The following ACKR2 variants were observed in gnomAD, a reference collection of about 807,000 sequenced individuals.
ACKR2 encodes the protein atypical chemokine receptor 2.
For synonymous variants in ACKR2, 207 were observed against 192.2 expected (o/e 1.08, Z -0.64); for missense variants, 457 against 477.3 (o/e 0.96, Z 0.40).
chr3:42,849,463 C>T (rs1325760262), intron 2 of ACKR2, among the ~76,000 whole-genome samples: 4 of 151,900 alleles, frequency 2.6e-5, no homozygotes, highest in Non-Finnish European at 4.4e-5. Context: ...GAGCTCACAC[C>T]ATTGCACTCC....
intron 2 of ACKR2, among the ~76,000 whole-genome samples, chr3:42,840,041 G>A (rs1294078311): frequency 2.0e-5 from 3 of 151,902 alleles, no homozygotes; most frequent in African/African-American, 7.3e-5. Flanking sequence ...GGTGGATCAC[G>A]AGGTCAAGAG....
chr3:42,829,572 G>A (rs72867327), intron 2 of ACKR2, among the ~76,000 whole-genome samples: 5,071 of 152,152 alleles, frequency 0.033, 199 homozygotes, highest in African/African-American at 0.096. Flanking sequence ...TAGCTCCCTC[G>A]GGTCACTCAT....
intron 1 of ACKR2, among the ~76,000 whole-genome samples, chr3:42,813,391 T>C (rs576425730): frequency 2.0e-5 from 3 of 152,114 alleles, no homozygotes; most frequent in East Asian, 1.9e-4. Context: ...AGAAAAGAGG[T>C]TTAATTGACT....
At chr3:42,826,575 A>G (rs926839254) in intron 2 of ACKR2, among the ~76,000 whole-genome samples, 1 of 151,880 alleles carries the variant, frequency 6.6e-6, no homozygotes, top group Non-Finnish European at 1.5e-5. Context: ...TTTTTTCTAT[A>G]GTGATTCTCT....
intron 2 of ACKR2, among the ~76,000 whole-genome samples, chr3:42,859,151 A>G (rs919102754): frequency 9.9e-5 from 15 of 152,178 alleles, no homozygotes; most frequent in Admixed American, 2.0e-4. Context: ...ACAGGCCAAC[A>G]TTCAAATTCA....
chr3:42,837,637 G>A (rs1179158926), intron 2 of ACKR2, among the ~76,000 whole-genome samples: 1 of 152,066 alleles, frequency 6.6e-6, no homozygotes, highest in Non-Finnish European at 1.5e-5. Context: ...AGATTGGATG[G>A]TGCCCGCCCA....
chr3:42,827,219 A>G (rs889040166), intron 2 of ACKR2, among the ~76,000 whole-genome samples: 1 of 152,164 alleles, frequency 6.6e-6, no homozygotes, highest in Non-Finnish European at 1.5e-5. Context: ...TGTCTTACTT[A>G]TATCAGTTTT....
intron 2 of ACKR2, chr3:42,851,285 T>G (rs1300336611): frequency 5.6e-6 from 5 of 897,104 alleles, no homozygotes; most frequent in Admixed American, 1.2e-4. Flanking sequence ...AAGGGATTTT[T>G]TTTATTCCAG....
Position 42,864,954 on chromosome 3 carries a change from C to T in ACKR2, c.452C>T (p.Pro151Leu). Residue 151 changes from proline (P) to leucine (L), a missense_variant, in exon 3 of 3, where the codon CCC becomes CTC. Transcript: ENST00000422265. ...TACCTGGAGATCGTTCATGCTCAGC[C>T]CTACCACAGGCTGAGGACCCGGGCC... ...DKYLEIVHAQ[P>L]YHRLRTRAKS... is the part of the protein sequence containing the mutation. The T allele has an allele frequency of 1.2e-6, 2 of 1,614,148 alleles. No individual in the cohort carries two copies. The highest frequency in any genetic ancestry group is 2.2e-5 in the South Asian group (2 of 91,084).
At chr3:42,858,994 C>T (rs765863586) in intron 2 of ACKR2, among the ~76,000 whole-genome samples, 3 of 151,796 alleles carry the variant, frequency 2.0e-5, no homozygotes, top group Admixed American at 1.3e-4. Flanking sequence ...TATAAAGGAA[C>T]GAACAAAGCC....
intron 1 of ACKR2, among the ~76,000 whole-genome samples, chr3:42,817,226 T>C (rs2125602758): frequency 6.6e-6 from 1 of 152,338 alleles, no homozygotes; most frequent in Admixed American, 6.5e-5. Context: ...CTTGCTGCTA[T>C]CTTCTTAAGC....
intron 2 of ACKR2, among the ~76,000 whole-genome samples, chr3:42,841,181 A>G (rs770581872): frequency 2.0e-5 from 3 of 152,264 alleles, no homozygotes; most frequent in Non-Finnish European, 1.5e-5. Flanking sequence ...AAATTATAGT[A>G]TAGCGTGTGC....
In ACKR2 at chr3:42,852,341, A is replaced by G. The variant is rs1370277358; in HGVS notation, c.-37-12125A>G. 6.6e-6 allele frequency: 1 copy of G among 152,218 alleles called. No homozygotes were observed. Among genetic ancestry groups the G allele is most frequent in the Non-Finnish European group, 1.5e-5 (1 of 68,046 alleles). 9.4% of individuals were successfully genotyped at this position (152,218 alleles called of 1,614,324 possible). A position where few individuals can be genotyped will look rare whatever the true frequency, so the allele number is the denominator to read the frequency against. Reference sequence around the variant, plus strand: ...GTACAGAGGCAAAAAACAAAACATCAAAAAACATTCTGGGAAAGACATGAA... The same window carrying G: ...GTACAGAGGCAAAAAACAAAACATCGAAAAACATTCTGGGAAAGACATGAA... On this transcript the variant is annotated intron_variant, in intron 2 of 2. Transcript: ENST00000422265. The surrounding 1 kb of genome is among the most constrained non-coding windows in gnomAD (Gnocchi z 4.3).
At chr3:42,822,068 T>C (rs2125604894) in intron 2 of ACKR2, among the ~76,000 whole-genome samples, 1 of 152,200 alleles carries the variant, frequency 6.6e-6, no homozygotes, top group South Asian at 2.1e-4. Flanking sequence ...TTGAAATACA[T>C]ATATGTATAT....
intron 1 of ACKR2, 48 bp downstream of exon 1, chr3:42,809,580 G>A (rs1559681518): frequency 6.6e-6 from 1 of 152,174 alleles, no homozygotes; most frequent in Non-Finnish European, 1.5e-5. Flanking sequence ...AGTAGGGGAA[G>A]CGGTTGGGCA....
In ACKR2 at chr3:42,811,141, T is replaced by C. The variant is rs191671135; in HGVS notation, c.-119+1609T>C. ...CCTGGATTACAGGTGTGAGCCACAG[T>C]GGCAGGCCCTCATTTCCTCATTGTT... is the stretch of plus-strand genomic sequence containing the variant. On this transcript the variant is annotated intron_variant, in intron 1 of 2. Coordinates refer to ENST00000422265, the MANE Select transcript of ACKR2 (RefSeq NM_001296.5). Among the ~76,000 whole-genome samples the C allele has an allele frequency of 2.9e-3, 442 of 152,208 alleles. 3 individuals are homozygous for C. Among genetic ancestry groups the C allele is most frequent in the African/African-American group, 0.01 (423 of 41,572 alleles).
intron 2 of ACKR2, among the ~76,000 whole-genome samples, chr3:42,833,787 T>C (rs1318597570): frequency 6.6e-6 from 1 of 152,196 alleles, no homozygotes; most frequent in Admixed American, 6.5e-5. Flanking sequence ...CCATTTTCTT[T>C]TATTGGATAC....
At chr3:42,815,836 T>G (rs1481063032) in intron 1 of ACKR2, among the ~76,000 whole-genome samples, 1 of 152,174 alleles carries the variant, frequency 6.6e-6, no homozygotes, top group Non-Finnish European at 1.5e-5. Flanking sequence ...CTCTACCCTT[T>G]AGGAAGAACA....
At chr3:42,854,050 G>A (rs1701192133) in intron 2 of ACKR2, among the ~76,000 whole-genome samples, 1 of 152,164 alleles carries the variant, frequency 6.6e-6, no homozygotes. Context: ...CTTCTTGGCT[G>A]TAGGTAGGGC....
Sources: allele counts gnomAD v4.1 joint callset (sites outside exome capture counted in the v4.1 genomes callset), GRCh38; gene constraint gnomAD v4.1.1; non-coding constraint Gnocchi (gnomAD v3.1); transcripts MANE v1.5; gene names NCBI Gene and HGNC (gene_info 2026-07-23, HGNC 2026-07-21).